The following PELI1 variants were observed in gnomAD, a reference collection of about 807,000 sequenced individuals.
PELI1 encodes the protein pellino E3 ubiquitin protein ligase 1.
PELI1 carries 15 observed loss-of-function variants against 41.3 expected under a neutral mutation model. The observed-to-expected ratio is 0.36, with a 90% CI of 0.24 to 0.56. PELI1 has a LOEUF of 0.56. PELI1 is among the 20% of genes least tolerant of loss of function. The pLI, the probability that PELI1 is intolerant of heterozygous loss-of-function variation, is 0.82. For synonymous variants in PELI1, 178 were observed against 180.1 expected (o/e 0.99, Z 0.09); for missense variants, 403 against 525.5 (o/e 0.77, Z 2.28).
chr2:64,112,320 G>C (rs917397862), intron 1 of PELI1, among the ~76,000 whole-genome samples: 1 of 152,154 alleles, frequency 6.6e-6, no homozygotes, highest in African/African-American at 2.4e-5. Context: ...GTGGAATAAA[G>C]GGAATTTGGG....
chr2:64,138,941 T>C (rs548586437), intron 1 of PELI1, among the ~76,000 whole-genome samples: 23 of 152,336 alleles, frequency 1.5e-4, no homozygotes, highest in African/African-American at 5.5e-4. Context: ...CAATTTTCAA[T>C]ATATGGCCAA....
intron 1 of PELI1, among the ~76,000 whole-genome samples, chr2:64,135,102 T>C (rs1034598492): frequency 6.6e-6 from 1 of 152,148 alleles, no homozygotes; most frequent in Non-Finnish European, 1.5e-5. Context: ...ATTACAGTAA[T>C]GATGAGGTCC....
At chr2:64,126,845 A>G (rs1011910435) in intron 1 of PELI1, among the ~76,000 whole-genome samples, 1 of 152,164 alleles carries the variant, frequency 6.6e-6, no homozygotes, top group African/African-American at 2.4e-5. Flanking sequence ...ACAATCGCAT[A>G]AAGATAAAAA....
At chr2:64,127,947 T>C (rs1051468416) in intron 1 of PELI1, among the ~76,000 whole-genome samples, 1 of 152,138 alleles carries the variant, frequency 6.6e-6, no homozygotes, top group African/African-American at 2.4e-5. Flanking sequence ...GCTCCTCCCG[T>C]TCATATAATT....
chr2:64,133,222 A>G (rs1681609083), intron 1 of PELI1, among the ~76,000 whole-genome samples: 1 of 152,172 alleles, frequency 6.6e-6, no homozygotes. Context: ...GTTTTCTTCA[A>G]TCATTTGTTT....
chr2:64,094,452 T>C lies in PELI1; in HGVS notation c.*250A>G, dbSNP rs1484651664. ...AAAAGGAAGGCATCAAATTAGACTA[T>C]GTCTTTTTCTCCTCAAAATATATTT... On this transcript the variant is annotated 3_prime_UTR_variant, in exon 7 of 7. Transcript: ENST00000358912. The C allele has an allele frequency of 5.1e-6, 2 of 394,232 alleles. No individual in the cohort carries two copies. Among genetic ancestry groups the C allele is most frequent in the African/African-American group, 4.1e-5 (2 of 49,086 alleles). The allele number at this position is 394,232 out of a possible 1,614,324, so 24.4% of individuals were successfully genotyped here. A position where few individuals can be genotyped will look rare whatever the true frequency, so the allele number is the denominator to read the frequency against.
intron 1 of PELI1, among the ~76,000 whole-genome samples, chr2:64,113,115 C>T (rs1680876771): frequency 6.7e-6 from 1 of 149,834 alleles, no homozygotes. Flanking sequence ...CCCGTCTCTA[C>T]AAAAGATTTA....
At chr2:64,140,798 A>AAG (rs1681880286) in intron 1 of PELI1, among the ~76,000 whole-genome samples, 1 of 137,322 alleles carries the variant, frequency 7.3e-6, no homozygotes, top group East Asian at 2.1e-4. Context: ...AAAAAAAAAA[A>AAG]ACAAACAAAC....
chr2:64,132,355 C>T (rs1681584219), intron 1 of PELI1, among the ~76,000 whole-genome samples: 1 of 152,154 alleles, frequency 6.6e-6, no homozygotes, highest in Non-Finnish European at 1.5e-5. Context: ...AAGTATAATG[C>T]AAATATTCCA....
In PELI1 at chr2:64,094,693, A is replaced by C. The variant is rs1192073417; in HGVS notation, c.*9T>G. On this transcript the variant is annotated 3_prime_UTR_variant, in exon 7 of 7. Coordinates refer to ENST00000358912, the MANE Select transcript of PELI1 (RefSeq NM_020651.4). Reference sequence around the variant, plus strand: ...AATTTATAATGTAGTCCTGCAAGACAATGGTCTGTTAGTCTAGAGGTCCTT... The same window carrying C: ...AATTTATAATGTAGTCCTGCAAGACCATGGTCTGTTAGTCTAGAGGTCCTT... 1 of 1,598,882 alleles carries C rather than the reference A, an allele frequency of 6.3e-7. No individual in the cohort carries two copies. The highest frequency in any genetic ancestry group is 2.2e-5 in the East Asian group (1 of 44,772).
chr2:64,096,688 G>C (rs549624653), intron 4 of PELI1, 78 bp from the exon 5 acceptor site: 23 of 907,092 alleles, frequency 2.5e-5, no homozygotes, highest in Non-Finnish European at 4.0e-5. Flanking sequence ...GCACAATAAG[G>C]AGAGAACATT....
At chr2:64,104,874 C>A in intron 2 of PELI1, 44 bp from the exon 3 acceptor site, 1 of 1,559,694 alleles carries the variant, frequency 6.4e-7, no homozygotes, top group Non-Finnish European at 8.8e-7. Context: ...GCAAGAACTG[C>A]ACAATTATAA....
intron 1 of PELI1, among the ~76,000 whole-genome samples, chr2:64,124,047 C>T (rs1205545984): frequency 6.6e-6 from 1 of 152,118 alleles, no homozygotes; most frequent in South Asian, 2.1e-4. Flanking sequence ...CAAAGGATCA[C>T]ATATTGTATG....
At chr2:64,143,843 G>C (rs1265284997) in intron 1 of PELI1, among the ~76,000 whole-genome samples, 2 of 151,744 alleles carry the variant, frequency 1.3e-5, no homozygotes, top group African/African-American at 4.8e-5. Flanking sequence ...CCCCGCTCCC[G>C]GGCGGAGGGG....
intron 1 of PELI1, among the ~76,000 whole-genome samples, chr2:64,130,774 G>T (rs1163951373): frequency 6.6e-5 from 10 of 152,046 alleles, no homozygotes; most frequent in Admixed American, 3.3e-4. Context: ...AAATTTCCTA[G>T]AGACTATAGA....
intron 1 of PELI1, among the ~76,000 whole-genome samples, chr2:64,138,280 TC>T (rs1471178298): frequency 6.6e-6 from 1 of 152,132 alleles, no homozygotes; most frequent in Non-Finnish European, 1.5e-5. Flanking sequence ...GTAGGCACGC[TC>T]CCATCTCAGG....
chr2:64,117,244 A>G (rs772707083), intron 1 of PELI1, among the ~76,000 whole-genome samples: 12 of 152,186 alleles, frequency 7.9e-5, no homozygotes, highest in Non-Finnish European at 1.5e-4. Context: ...CCATCACTTA[A>G]TATTTAATTA....
chr2:64,098,121 T>G (rs140925334), intron 4 of PELI1, among the ~76,000 whole-genome samples: 78 of 152,256 alleles, frequency 5.1e-4, no homozygotes, highest in African/African-American at 1.8e-3. Context: ...TGAAGCAATA[T>G]TTGTAATGAC....
intron 1 of PELI1, among the ~76,000 whole-genome samples, chr2:64,119,439 C>A (rs960479417): frequency 3.3e-5 from 5 of 152,134 alleles, no homozygotes; most frequent in Non-Finnish European, 7.4e-5. Context: ...AAAATAAAAT[C>A]CAGATTGTAT....
Sources: allele counts gnomAD v4.1 joint callset (sites outside exome capture counted in the v4.1 genomes callset), GRCh38; gene constraint gnomAD v4.1.1; transcripts MANE v1.5; gene names NCBI Gene and HGNC (gene_info 2026-07-23, HGNC 2026-07-21).